SCN11A: variants seen among roughly 807,000 people sequenced by gnomAD.
SCN11A encodes the protein sodium voltage-gated channel alpha subunit 11, also known as sodium channel protein type 11 subunit alpha.
Under a neutral mutation model 162.2 loss-of-function variants are expected in SCN11A, and 122 were observed. The ratio of observed to expected loss-of-function variants is 0.75; its 90% CI spans 0.65 to 0.87. The LOEUF (loss-of-function observed/expected upper bound fraction) is 0.87. Among genes scored for constraint, SCN11A ranks in the 40% least tolerant of loss-of-function variants. SCN11A has a pLI of 0.00. For synonymous variants in SCN11A, 758 were observed against 751.5 expected, an observed-to-expected ratio of 1.01 and a Z score of -0.14; for missense variants, 2,015 against 2,181.6, an observed-to-expected ratio of 0.92 and a Z score of 1.52.
intron 2 of SCN11A, among the ~76,000 whole-genome samples, chr3:38,980,733 T>C (rs879403881): frequency 2.6e-5 from 4 of 152,228 alleles, no homozygotes; most frequent in Non-Finnish European, 5.9e-5. Context: ...AGATCCAGAA[T>C]TTTGTCCCCA....
intron 2 of SCN11A, among the ~76,000 whole-genome samples, chr3:38,993,690 T>C (rs2030524126): frequency 6.6e-6 from 1 of 152,162 alleles, no homozygotes; most frequent in South Asian, 2.1e-4. Context: ...TTTCATCACT[T>C]TTCTCCTGGC....
chr3:38,989,142 C>T (rs2030370240), intron 2 of SCN11A, among the ~76,000 whole-genome samples: 1 of 152,180 alleles, frequency 6.6e-6, no homozygotes, highest in East Asian at 1.9e-4. Context: ...CTCCAGACAT[C>T]CTGAGACTGC....
intron 28 of SCN11A, among the ~76,000 whole-genome samples, chr3:38,854,917 A>G (rs1475889329): frequency 6.6e-6 from 1 of 152,236 alleles, no homozygotes; most frequent in Non-Finnish European, 1.5e-5. Flanking sequence ...AGCCAGCCAA[A>G]TAAAAGGAGG....
chr3:39,040,727 G>T (rs1364030363), intron 1 of SCN11A, among the ~76,000 whole-genome samples: 1 of 152,128 alleles, frequency 6.6e-6, no homozygotes, highest in Non-Finnish European at 1.5e-5. Context: ...AAAAGATTCT[G>T]CTAATGAAAT....
In SCN11A at chr3:38,885,203, T is replaced by C. The variant is rs75639842; in HGVS notation, c.3064+85A>G. The C allele has an allele frequency of 1.1e-3, 853 of 768,250 alleles. 7 individuals carry two copies. The African/African-American group carries it at 0.011, about 10-fold the overall frequency. 47.6% of individuals were successfully genotyped at this position (768,250 alleles called of 1,614,324 possible). ...CTCCAATAGAAGTAGAAAGATGATA[T>C]CTACTAAAACCACAGAGCTTCAAAG... On this transcript the variant is annotated intron_variant, in intron 21 of 29. Transcript: ENST00000302328.
At chr3:38,903,185 G>A (rs565951339) in intron 16 of SCN11A, among the ~76,000 whole-genome samples, 79 of 152,260 alleles carry the variant, frequency 5.2e-4, no homozygotes, top group African/African-American at 1.7e-3. Flanking sequence ...AGATCATCCC[G>A]TGGGCAATTA....
chr3:38,921,345 A>G, intron 9 of SCN11A, 90 bp from the exon 10 acceptor site: 1 of 1,256,360 alleles, frequency 8.0e-7, no homozygotes, highest in South Asian at 1.4e-5. Context: ...AGTCTCGGAA[A>G]CTGTCAAATT....
chr3:38,920,940 G>A, intron 10 of SCN11A, 136 bp downstream of exon 10: 1 of 794,764 alleles, frequency 1.3e-6, no homozygotes, highest in Non-Finnish European at 2.1e-6. Context: ...TCTGCCCACA[G>A]GAGCACCCTG....
At chr3:39,041,061 G>A (rs559515281) in intron 1 of SCN11A, among the ~76,000 whole-genome samples, 11 of 152,212 alleles carry the variant, frequency 7.2e-5, no homozygotes, top group South Asian at 6.2e-4. Flanking sequence ...CGGCCTGGGC[G>A]AAAGAGCAAG....
At chr3:39,006,249 A>T (rs75885078) in intron 2 of SCN11A, among the ~76,000 whole-genome samples, 1 of 152,184 alleles carries the variant, frequency 6.6e-6, no homozygotes, top group Non-Finnish European at 1.5e-5. Context: ...TGCATTGTGT[A>T]TTGTGTTTAT....
chr3:38,849,596 G>A (rs2064741228), intron 29 of SCN11A: 1 of 152,136 alleles, frequency 6.6e-6, no homozygotes, highest in East Asian at 1.9e-4. Flanking sequence ...TTTGAACTAT[G>A]AGAAGGGCTC....
At chr3:38,949,641 T>G (rs946671845) in intron 5 of SCN11A, among the ~76,000 whole-genome samples, 2 of 152,214 alleles carry the variant, frequency 1.3e-5, no homozygotes, top group Non-Finnish European at 2.9e-5. Flanking sequence ...GTATAATGCA[T>G]TATAGTGATA....
chr3:39,032,016 T>C (rs926548956), intron 2 of SCN11A, among the ~76,000 whole-genome samples: 1 of 152,186 alleles, frequency 6.6e-6, no homozygotes, highest in Admixed American at 6.5e-5. Flanking sequence ...CAAAAATGGT[T>C]ATACAAAAGG....
chr3:38,856,661 C>A (rs1037542560), intron 28 of SCN11A, among the ~76,000 whole-genome samples: 1 of 152,142 alleles, frequency 6.6e-6, no homozygotes, highest in African/African-American at 2.4e-5. Flanking sequence ...CTCAGGGATA[C>A]CTTCTCTATT....
Position 38,960,372 on chromosome 3 carries a change from C to T in SCN11A, c.-228G>A, listed in dbSNP as rs891917870. Among the ~76,000 whole-genome samples the T allele has an allele frequency of 2.6e-5, 4 of 152,204 alleles. No individual in the cohort carries two copies. Among genetic ancestry groups the T allele is most frequent in the African/African-American group, 4.8e-5 (2 of 41,446 alleles). On this transcript the variant is annotated 5_prime_UTR_variant, in exon 3 of 30. Transcript: ENST00000302328. ...AGCAAGTCTCTCAGCAGAGTTCGAG[C>T]TTCTGCTCCTGGCAGCTGCCTGGAG...
chr3:38,903,745 C>T, intron 16 of SCN11A, 120 bp downstream of exon 16: 1 of 690,970 alleles, frequency 1.4e-6, no homozygotes, highest in Non-Finnish European at 2.4e-6. Flanking sequence ...TTCCCTCACT[C>T]CACTGAAGGG....
chr3:39,015,830 G>C (rs931046471), intron 2 of SCN11A, among the ~76,000 whole-genome samples: 3 of 152,020 alleles, frequency 2.0e-5, no homozygotes, highest in African/African-American at 7.2e-5. Context: ...TCCGCCTCCC[G>C]GGCTCAAGCA....
chr3:39,037,240 G>T (rs1033473267), intron 1 of SCN11A, among the ~76,000 whole-genome samples: 1 of 152,104 alleles, frequency 6.6e-6, no homozygotes, highest in African/African-American at 2.4e-5. Flanking sequence ...AACAAACTTT[G>T]CATGTTATTA....
intron 28 of SCN11A, among the ~76,000 whole-genome samples, chr3:38,862,818 A>G (rs2126088916): frequency 6.6e-6 from 1 of 152,234 alleles, no homozygotes; most frequent in African/African-American, 2.4e-5. Context: ...CAGGTGCACC[A>G]AACTCTCAGA....
Sources: allele counts gnomAD v4.1 joint callset (sites outside exome capture counted in the v4.1 genomes callset), GRCh38; gene constraint gnomAD v4.1.1; transcripts MANE v1.5; gene names NCBI Gene and HGNC (gene_info 2026-07-23, HGNC 2026-07-21).